The following ZNF346 variants were observed in gnomAD, a reference collection of about 807,000 sequenced individuals.
ZNF346 encodes zinc finger protein 346.
In ZNF346, 23 loss-of-function variants were observed where a neutral mutation model predicts 33.7. That is an observed-to-expected ratio of 0.68 (90% confidence interval 0.49 to 0.97). The LOEUF (loss-of-function observed/expected upper bound fraction) is 0.97. ZNF346 is among the 50% of genes least tolerant of loss of function. ZNF346 has a pLI of 0.00. For missense variants in ZNF346, 340 were observed against 371.1 expected (o/e 0.92, Z 0.69); for synonymous variants, 134 against 142.4 (o/e 0.94, Z 0.42).
rs559197631 is a variant in ZNF346, at chr5:177,077,532, T to C, written c.*3-1850T>C. Among the ~76,000 whole-genome samples the C allele has an allele frequency of 2.2e-4, 34 of 152,312 alleles. No homozygotes were observed. Among genetic ancestry groups the C allele is most frequent in the South Asian group, 1.5e-3 (7 of 4,826 alleles). ...TCCCAAGCAACTCTAGGCATCCCTA[T>C]TCACAGCTCAGCTTCTCAGAGAGTT... On this transcript the variant is annotated intron_variant, in intron 8 of 8. Transcript: ENST00000503039. The surrounding 1 kb of genome is among the most constrained non-coding windows in gnomAD (Gnocchi z 5.0).
At chr5:177,023,201 G>A (rs1041955663) in intron 1 of ZNF346, 2 of 1,536,472 alleles carry the variant, frequency 1.3e-6, no homozygotes, top group African/African-American at 2.7e-5. Flanking sequence ...CCCTATACTC[G>A]TCCTGTCGGA....
At chr5:177,073,666 T>C (rs1389699850) in intron 8 of ZNF346, among the ~76,000 whole-genome samples, 1 of 152,124 alleles carries the variant, frequency 6.6e-6, no homozygotes, top group Non-Finnish European at 1.5e-5. Flanking sequence ...GCCAGGTTGC[T>C]GGGGTGGGAG....
At chr5:177,056,194 C>T (rs1044384570) in intron 5 of ZNF346, among the ~76,000 whole-genome samples, 7 of 151,942 alleles carry the variant, frequency 4.6e-5, no homozygotes, top group Admixed American at 1.3e-4. Context: ...GAGATCACAC[C>T]ACTGCACTGG....
At chr5:177,048,760 G>A (rs908380839) in intron 4 of ZNF346, among the ~76,000 whole-genome samples, 1 of 150,574 alleles carries the variant, frequency 6.6e-6, no homozygotes, top group Non-Finnish European at 1.5e-5. Flanking sequence ...GCAGATTGAT[G>A]TGTAACTTGT....
At chr5:177,072,908 T>A (rs756143881), downstream of ZNF346, among the ~76,000 whole-genome samples, 2 of 152,344 alleles carry the variant, frequency 1.3e-5, no homozygotes, top group South Asian at 4.1e-4. Flanking sequence ...ATGACTTTTC[T>A]TTAAGTCAGT....
intron 1 of ZNF346, among the ~76,000 whole-genome samples, chr5:177,031,998 CTTTTTTTTTTTTTTTTT>C (rs34021834): frequency 1.2e-4 from 8 of 67,840 alleles, no homozygotes; most frequent in Admixed American, 2.2e-4. Flanking sequence ...TTTCTTTTTT[CTTTTTTTTTTTTTTTTT>C]TTTTTTTTTG....
In ZNF346 at chr5:177,022,855, G is replaced by A. The variant is rs996095610; in HGVS notation, c.117G>A (p.Glu39=). 6.5e-6 allele frequency: 10 copies of A among 1,530,916 alleles called. No homozygotes were observed. The African/African-American group carries it at 1.1e-4, about 17-fold the overall frequency. 94.8% of individuals were successfully genotyped at this position (1,530,916 alleles called of 1,614,324 possible). Reference sequence around the variant, plus strand: ...CGGACGGGGTGCGCTTTGACCGCGAGAGGGCGCGCCGCCTGTGGGAAGCCG... The same window carrying A: ...CGGACGGGGTGCGCTTTGACCGCGAAAGGGCGCGCCGCCTGTGGGAAGCCG... ...QEPDGVRFDR[E]RARRLWEAVS... Residue 39 remains glutamate (E), a synonymous_variant, in exon 1 of 7, where the codon GAG becomes GAA. Coordinates refer to ENST00000358149, the MANE Select transcript of ZNF346 (RefSeq NM_012279.4).
chr5:177,031,387 A>G (rs1384792235), intron 1 of ZNF346, among the ~76,000 whole-genome samples: 1 of 152,158 alleles, frequency 6.6e-6, no homozygotes, highest in Non-Finnish European at 1.5e-5. Flanking sequence ...CTTAGTTGAC[A>G]TTTTTATTCT....
intron 8 of ZNF346, among the ~76,000 whole-genome samples, chr5:177,078,995 G>C (rs1379748619): frequency 6.6e-6 from 1 of 151,932 alleles, no homozygotes; most frequent in Non-Finnish European, 1.5e-5. Context: ...TTGGGGCCAG[G>C]CACGGTGGCT....
chr5:177,052,677 GTTTTGCCTCCCCCA>G (rs1185435272), intron 5 of ZNF346: 2 of 152,144 alleles, frequency 1.3e-5, no homozygotes, highest in Non-Finnish European at 2.9e-5. Context: ...CTACATTAAA[GTTTTGCCTCCCCCA>G]TTCTTTGGTT....
At chr5:177,061,361 C>T (rs1782526910) in intron 5 of ZNF346, among the ~76,000 whole-genome samples, 2 of 152,046 alleles carry the variant, frequency 1.3e-5, no homozygotes, top group African/African-American at 4.8e-5. Flanking sequence ...AGGAGAATCC[C>T]TCGAACCCGG....
Position 177,024,157 on chromosome 5 carries a change from T to C in ZNF346, c.175+1244T>C, listed in dbSNP as rs367594455. On this transcript the variant is annotated intron_variant, in intron 1 of 6. Coordinates refer to ENST00000358149, the MANE Select transcript of ZNF346 (RefSeq NM_012279.4). ...TATACACTTGTAAGTATTTTATGTA[T>C]ACACACACACACACACACACACTAT... is the stretch of plus-strand genomic sequence containing the variant. 5.0e-4 allele frequency among the ~76,000 whole-genome samples: 61 copies of C among 121,354 alleles called. No homozygotes were observed. In the South Asian group the frequency reaches 0.013, roughly 26 times the overall value. 79.6% of individuals were successfully genotyped at this position (121,354 alleles called of 152,430 possible).
Position 177,066,554 on chromosome 5 carries a change from T to C in ZNF346, c.*1955T>C, listed in dbSNP as rs1343012444. Among the ~76,000 whole-genome samples the C allele has an allele frequency of 6.6e-6, 1 of 151,982 alleles. No individual in the cohort carries two copies. The highest frequency in any genetic ancestry group is 1.5e-5 in the Non-Finnish European group (1 of 68,006). Reference sequence around the variant, plus strand: ...GTGATTCTTGAAAGAGCATTTTTCATGACTCAAAAATGAGCTGAGAAGGAG... The same window carrying C: ...GTGATTCTTGAAAGAGCATTTTTCACGACTCAAAAATGAGCTGAGAAGGAG... On this transcript the variant is annotated 3_prime_UTR_variant, in exon 7 of 7. Transcript: ENST00000358149.
chr5:177,078,080 G>T (rs1392301041), intron 8 of ZNF346, among the ~76,000 whole-genome samples: 1 of 152,098 alleles, frequency 6.6e-6, no homozygotes, highest in Non-Finnish European at 1.5e-5. Flanking sequence ...CCGGGAGGTG[G>T]AGGTTGCAGT....
At chr5:177,079,468 C>T (rs1174334028) in exon 9 of ZNF346, 1 of 152,166 alleles carries the variant, frequency 6.6e-6, no homozygotes, top group Non-Finnish European at 1.5e-5. Flanking sequence ...CTTCTTCCTT[C>T]CTCCTGCCTC....
intron 1 of ZNF346, among the ~76,000 whole-genome samples, chr5:177,033,515 G>GT (rs1778025938): frequency 2.0e-5 from 3 of 151,926 alleles, no homozygotes; most frequent in Admixed American, 1.3e-4. Flanking sequence ...GTTTTGTTTT[G>GT]TTTTGTTTTT....
intron 1 of ZNF346, among the ~76,000 whole-genome samples, chr5:177,037,750 A>C (rs1778704140): frequency 6.6e-6 from 1 of 152,202 alleles, no homozygotes; most frequent in Non-Finnish European, 1.5e-5. Context: ...GTCCCCATAC[A>C]GTCTGTTGAC....
intron 3 of ZNF346, 77 bp downstream of exon 3, chr5:177,041,947 A>G: frequency 1.1e-6 from 1 of 922,390 alleles, no homozygotes. Flanking sequence ...AACAAGTCAG[A>G]CTGTCTTGGC....
intron 5 of ZNF346, among the ~76,000 whole-genome samples, chr5:177,059,971 C>G (rs1429566864): frequency 6.6e-6 from 1 of 152,094 alleles, no homozygotes; most frequent in Non-Finnish European, 1.5e-5. Flanking sequence ...GATGGGGGAG[C>G]AGGGATCAAG....
Sources: gnomAD v4.1 joint callset for allele counts (sites outside exome capture counted in the v4.1 genomes callset) on GRCh38, gnomAD v4.1.1 for gene constraint, Gnocchi (gnomAD v3.1) non-coding constraint, MANE v1.5 for transcripts, NCBI Gene and HGNC (gene_info 2026-07-23, HGNC 2026-07-21) for gene names.